SLC5A7: variants seen among roughly 807,000 people sequenced by gnomAD.
The protein encoded by SLC5A7 is high affinity choline transporter 1.
In SLC5A7, 19 loss-of-function variants were observed where a neutral mutation model predicts 55.4. The ratio of observed to expected loss-of-function variants is 0.34; its 90% CI spans 0.24 to 0.50. The LOEUF (loss-of-function observed/expected upper bound fraction) is 0.50. Ranked by LOEUF, SLC5A7 falls within the 20% of genes least tolerant of loss-of-function variation. The probability of loss-of-function intolerance (pLI) is 0.98; values close to 1 mark genes in which losing one functional copy is unlikely to be tolerated. For synonymous variants in SLC5A7, 265 were observed against 263.7 expected, an observed-to-expected ratio of 1.00 and a Z score of -0.05; for missense variants, 506 against 705.3, an observed-to-expected ratio of 0.72 and a Z score of 3.20.
chr2:107,995,056 A>T (rs901788036), intron 4 of SLC5A7, among the ~76,000 whole-genome samples: 7 of 152,216 alleles, frequency 4.6e-5, no homozygotes, highest in African/African-American at 1.7e-4. Flanking sequence ...ATGTAGATGC[A>T]TTCTGAGAGA....
At chr2:108,003,985 G>C (rs1001914749) in intron 6 of SLC5A7, among the ~76,000 whole-genome samples, 1 of 152,118 alleles carries the variant, frequency 6.6e-6, no homozygotes, top group African/African-American at 2.4e-5. Context: ...GGGTGAGAGA[G>C]GTCTCTGACC....
intron 4 of SLC5A7, among the ~76,000 whole-genome samples, chr2:107,994,591 G>GA (rs899260846): frequency 3.3e-5 from 5 of 149,652 alleles, no homozygotes; most frequent in Non-Finnish European, 5.9e-5. Flanking sequence ...GTCTCAAAAA[G>GA]AAAAAAAAAG....
intron 7 of SLC5A7, among the ~76,000 whole-genome samples, 175 bp downstream of exon 7, chr2:108,006,377 A>ATT (rs35756712): frequency 1.3e-4 from 15 of 119,278 alleles, no homozygotes; most frequent in African/African-American, 3.5e-4. Flanking sequence ...AGCGGCCTCC[A>ATT]TTTTTTTTTT....
Position 108,002,010 on chromosome 2 carries a change from C to G in SLC5A7, c.711C>G (p.Val237=), listed in dbSNP as rs1305450818. ...PWLGTVDSSE[V]YSWLDSFLLL... ...TGGGAACTGTTGACTCATCTGAAGT[C>G]TACTCTTGGCTTGATAGTTTTCTGT... is the stretch of plus-strand genomic sequence containing the variant. The change falls in exon 6 of 9, where the codon GTC becomes GTG. Residue 237 remains valine (V), a synonymous_variant. Transcript: ENST00000264047. 1.9e-6 allele frequency: 3 copies of G among 1,614,040 alleles called. No individual in the cohort carries two copies. The highest frequency in any genetic ancestry group is 2.7e-5 in the African/African-American group (2 of 74,926).
intron 4 of SLC5A7, among the ~76,000 whole-genome samples, chr2:107,995,534 G>T (rs1216024782): frequency 1.3e-5 from 2 of 150,542 alleles, no homozygotes; most frequent in Non-Finnish European, 2.9e-5. Context: ...TACATTATTT[G>T]GGTAATGAAA....
In SLC5A7 at chr2:107,993,074, T is replaced by C. The variant is rs1677512867; in HGVS notation, c.395T>C (p.Ile132Thr). ...AAACGCATGGGCGGACTCCTGTTTA[T>C]TCCTGCACTGATGGGAGAAATGTTC... ...YGKRMGGLLF[I>T]PALMGEMFWA... is the part of the protein sequence containing the mutation. Residue 132 changes from isoleucine (I) to threonine (T), a missense_variant, in exon 4 of 9, where the codon ATT (isoleucine) becomes ACT (threonine). Transcript: ENST00000264047. 6.2e-7 allele frequency: 1 copy of C among 1,614,242 alleles called. No individual in the cohort carries two copies. The highest frequency in any genetic ancestry group is 8.5e-7 in the Non-Finnish European group (1 of 1,180,042).
chr2:108,005,928 A>G (rs144333132), intron 6 of SLC5A7, 121 bp from the exon 7 acceptor site: 2 of 1,181,286 alleles, frequency 1.7e-6, no homozygotes, highest in Non-Finnish European at 2.4e-6. Context: ...TTGTGGCTAC[A>G]TGCCACATTT....
chr2:107,998,012 C>A (rs763644934), intron 5 of SLC5A7, 26 bp downstream of exon 5: 1 of 1,593,104 alleles, frequency 6.3e-7, no homozygotes, highest in Non-Finnish European at 8.5e-7. Flanking sequence ...CAAGATTCTC[C>A]TCCTTTTTTT....
At chr2:107,995,447 GAGAGA>G in intron 4 of SLC5A7, among the ~76,000 whole-genome samples, 1 of 105,112 alleles carries the variant, frequency 9.5e-6, no homozygotes, top group Non-Finnish European at 2.0e-5. Context: ...CTCTTTGGGA[GAGAGA>G]GAGAGAGAGA....
At chr2:107,996,250 T>A (rs1225092117) in intron 4 of SLC5A7, among the ~76,000 whole-genome samples, 1 of 152,152 alleles carries the variant, frequency 6.6e-6, no homozygotes, top group Non-Finnish European at 1.5e-5. Flanking sequence ...TTTTCAAATA[T>A]CTATAAAACA....
Position 108,010,825 on chromosome 2 carries a change from TCCAGAAGGGTCTGGGACTGAAG to T in SLC5A7, c.1708_1729del (p.Pro570IlefsTer8). On this transcript the variant is annotated frameshift_variant, in exon 9 of 9. Coordinates refer to ENST00000264047, the MANE Select transcript of SLC5A7 (RefSeq NM_021815.5). LOFTEE classifies it high-confidence loss of function. ...AGGCCTTCCTTGATGTTGATTCCAG[TCCAGAAGGGTCTGGGACTGAAG>T]ATAATTTACAGTGACCCCATCTAAA... 1.2e-6 allele frequency: 2 copies of T among 1,606,110 alleles called. No individual in the cohort carries two copies. The highest frequency in any genetic ancestry group is 1.7e-6 in the Non-Finnish European group (2 of 1,178,042).
Position 108,007,050 on chromosome 2 carries a change from A to G in SLC5A7, c.895+848A>G, listed in dbSNP as rs762233651. Among the ~76,000 whole-genome samples the G allele has an allele frequency of 2.9e-4, 44 of 152,226 alleles. 1 individual carries two copies. The highest frequency in any genetic ancestry group is 6.2e-4 in the Non-Finnish European group (42 of 68,040). ...TAGCCTCTATGTAGAACATGTTCAA[A>G]AGCTCACCTTTAATTTAATTAAATG... On this transcript the variant is annotated intron_variant, in intron 7 of 8. Coordinates refer to ENST00000264047, the MANE Select transcript of SLC5A7 (RefSeq NM_021815.5).
At chr2:107,990,895 A>G (rs867803961) in intron 2 of SLC5A7, among the ~76,000 whole-genome samples, 1 of 152,152 alleles carries the variant, frequency 6.6e-6, no homozygotes, top group Non-Finnish European at 1.5e-5. Context: ...TTTTATTCCT[A>G]ATGGGATGAT....
chr2:107,995,196 A>G (rs1268033740), intron 4 of SLC5A7, among the ~76,000 whole-genome samples: 1 of 152,212 alleles, frequency 6.6e-6, no homozygotes, highest in Non-Finnish European at 1.5e-5. Flanking sequence ...CCTGTGCAAC[A>G]TGTTACTGCA....
At chr2:107,990,413 T>C (rs918487820) in intron 2 of SLC5A7, among the ~76,000 whole-genome samples, 2 of 152,188 alleles carry the variant, frequency 1.3e-5, no homozygotes, top group African/African-American at 4.8e-5. Context: ...CAGTAAAACA[T>C]TGACGTGTTA....
chr2:108,006,681 A>T (rs1678136757), intron 7 of SLC5A7, among the ~76,000 whole-genome samples: 1 of 152,108 alleles, frequency 6.6e-6, no homozygotes, highest in African/African-American at 2.4e-5. Flanking sequence ...GAGATCTTTT[A>T]AAAATACGGA....
intron 8 of SLC5A7, 120 bp from the exon 9 acceptor site, chr2:108,010,112 G>C: frequency 1.6e-6 from 2 of 1,231,190 alleles, no homozygotes; most frequent in Non-Finnish European, 2.2e-6. Context: ...CCCATAGATT[G>C]AGCCATTTGA....
intron 7 of SLC5A7, among the ~76,000 whole-genome samples, chr2:108,007,078 TTAA>T (rs1187121834): frequency 3.9e-5 from 6 of 152,202 alleles, no homozygotes; most frequent in African/African-American, 1.2e-4. Flanking sequence ...ATTAAATGTA[TTAA>T]TTACTCCTGA....
chr2:108,000,163 GCA>G (rs558509063), intron 5 of SLC5A7, among the ~76,000 whole-genome samples: 1 of 151,530 alleles, frequency 6.6e-6, no homozygotes, highest in Non-Finnish European at 1.5e-5. Context: ...GAGTGTACAC[GCA>G]CACACACACA....
Sources: gnomAD v4.1 joint callset for allele counts (sites outside exome capture counted in the v4.1 genomes callset) on GRCh38, gnomAD v4.1.1 for gene constraint, MANE v1.5 for transcripts, NCBI Gene and HGNC (gene_info 2026-07-23, HGNC 2026-07-21) for gene names.